Variants in CARMIL1 observed in about 807,000 individuals in gnomAD.
CARMIL1 encodes the protein capping protein regulator and myosin 1 linker 1, also known as F-actin-uncapping protein LRRC16A.
Under a neutral mutation model 177.1 loss-of-function variants are expected in CARMIL1, and 90 were observed. The observed-to-expected ratio is 0.51, with a 90% CI of 0.43 to 0.61. The LOEUF (loss-of-function observed/expected upper bound fraction) is 0.61, where lower values mean the gene tolerates loss of function less well. Among genes scored for constraint, CARMIL1 ranks in the 20% least tolerant of loss-of-function variants. The pLI, the probability that CARMIL1 is intolerant of heterozygous loss-of-function variation, is 0.00. For missense variants in CARMIL1, 1,380 were observed against 1,667.0 expected (o/e 0.83, Z 3.00); for synonymous variants, 577 against 606.2 (o/e 0.95, Z 0.71).
intron 12 of CARMIL1, 58 bp from the exon 13 acceptor site, chr6:25,488,424 C>G (rs1802879972): frequency 7.9e-7 from 1 of 1,268,552 alleles, no homozygotes; most frequent in Non-Finnish European, 1.2e-6. Context: ...TATAGAAACA[C>G]AAACCTCATT....
intron 2 of CARMIL1, among the ~76,000 whole-genome samples, chr6:25,297,209 A>G (rs1488673786): frequency 1.3e-5 from 2 of 152,382 alleles, no homozygotes; most frequent in African/African-American, 4.8e-5. Context: ...TCACTGAATC[A>G]CAGTCACTGC....
At chr6:25,584,465 G>A (rs1187498120) in intron 31 of CARMIL1, among the ~76,000 whole-genome samples, 1 of 149,956 alleles carries the variant, frequency 6.7e-6, no homozygotes, top group Non-Finnish European at 1.5e-5. Flanking sequence ...TAGGTTTCAT[G>A]GCTGAAGCAC....
At chr6:25,352,153 A>C (rs1213692910) in intron 2 of CARMIL1, among the ~76,000 whole-genome samples, 1 of 2,554 alleles carries the variant, frequency 3.9e-4, no homozygotes, top group African/African-American at 0.014. Context: ...TGGATACAGT[A>C]AAAAAAAAAA....
intron 2 of CARMIL1, among the ~76,000 whole-genome samples, chr6:25,419,188 A>G (rs1795623017): frequency 6.6e-6 from 1 of 152,168 alleles, no homozygotes; most frequent in Non-Finnish European, 1.5e-5. Flanking sequence ...TTTTGTTCTA[A>G]TCCAGCATTC....
chr6:25,589,514 G>A (rs907092575), intron 31 of CARMIL1, among the ~76,000 whole-genome samples: 8 of 151,684 alleles, frequency 5.3e-5, no homozygotes, highest in Admixed American at 2.0e-4. Flanking sequence ...TTTGAGACAG[G>A]GTCTCACCTG....
chr6:25,429,864 T>C (rs9379768), intron 4 of CARMIL1, among the ~76,000 whole-genome samples: 13,541 of 146,072 alleles, frequency 0.093, 713 homozygotes, highest in East Asian at 0.2. Context: ...TATATATTTT[T>C]GAGACGGAGT....
chr6:25,589,286 C>T (rs1814075405), intron 31 of CARMIL1, among the ~76,000 whole-genome samples: 1 of 152,154 alleles, frequency 6.6e-6, no homozygotes, highest in Non-Finnish European at 1.5e-5. Context: ...TGGAGTGGCA[C>T]GTGGTATCCA....
At chr6:25,609,165 T>G (rs1027005143) in intron 35 of CARMIL1, among the ~76,000 whole-genome samples, 1 of 152,052 alleles carries the variant, frequency 6.6e-6, no homozygotes, top group African/African-American at 2.4e-5. Flanking sequence ...CCCTGGTTTT[T>G]GAATTAAGAG....
At chr6:25,445,038 G>T (rs1338272327) in intron 5 of CARMIL1, among the ~76,000 whole-genome samples, 1 of 152,174 alleles carries the variant, frequency 6.6e-6, no homozygotes, top group Non-Finnish European at 1.5e-5. Flanking sequence ...AGCATCTGTT[G>T]TTCCCTGACT....
chr6:25,522,415 C>T (rs770142706), intron 23 of CARMIL1, among the ~76,000 whole-genome samples: 1 of 152,216 alleles, frequency 6.6e-6, no homozygotes, highest in Admixed American at 6.5e-5. Flanking sequence ...TCTCAAGGAA[C>T]TCGTTAAAAA....
intron 23 of CARMIL1, among the ~76,000 whole-genome samples, chr6:25,526,525 C>T (rs905861253): frequency 1.6e-4 from 23 of 147,728 alleles, no homozygotes; most frequent in Non-Finnish European, 2.8e-4. Context: ...CTCTCATCTC[C>T]TTTTCCTCTC....
At chr6:25,365,864 C>G (rs1789729754) in intron 2 of CARMIL1, among the ~76,000 whole-genome samples, 1 of 152,034 alleles carries the variant, frequency 6.6e-6, no homozygotes, top group Non-Finnish European at 1.5e-5. Flanking sequence ...TGACCATAAG[C>G]CTTTTGAAAG....
chr6:25,381,226 A>G (rs1215855460), intron 2 of CARMIL1, among the ~76,000 whole-genome samples: 2 of 152,238 alleles, frequency 1.3e-5, no homozygotes, highest in African/African-American at 4.8e-5. Flanking sequence ...GTATTGAAAT[A>G]GGCAGTTATA....
intron 9 of CARMIL1, among the ~76,000 whole-genome samples, chr6:25,468,127 G>A (rs1041599959): frequency 2.0e-5 from 3 of 151,874 alleles, no homozygotes; most frequent in East Asian, 3.9e-4. Flanking sequence ...AGGTGCCACA[G>A]GAAAAATATG....
intron 20 of CARMIL1, among the ~76,000 whole-genome samples, chr6:25,514,124 T>A (rs1054425352): frequency 6.6e-6 from 1 of 152,204 alleles, no homozygotes; most frequent in African/African-American, 2.4e-5. Context: ...ACTATTATTA[T>A]TTTGGTCAGA....
rs959287730 is a variant in CARMIL1, at chr6:25,577,611, T to TA, written c.2743-3304dup. Among the ~76,000 whole-genome samples the TA allele has an allele frequency of 8.6e-5, 13 of 151,700 alleles. No homozygotes were observed. Among genetic ancestry groups the TA allele is most frequent in the Admixed American group, 3.3e-4 (5 of 15,246 alleles). ...TTAAGCAACTTGACTCTCATTTTTT[T>TA]AAAAAAAAAGTATGTCTAGGAATTA... On this transcript the variant is annotated intron_variant, in intron 29 of 36. Transcript: ENST00000329474. This position sits in a 1 kb window ranked among gnomAD's most constrained non-coding sequence, Gnocchi z 4.5.
Position 25,610,048 on chromosome 6 carries a change from A to G in CARMIL1, c.3848-2A>G. On this transcript the variant is annotated splice_acceptor_variant, in intron 35 of 36. Coordinates refer to ENST00000329474, the MANE Select transcript of CARMIL1 (RefSeq NM_017640.6). LOFTEE classifies it high-confidence loss of function. ...TTGATTCACGTGTTTGTGTCTCCTT[A>G]GATGACATTCCAGACTCTCCATCTA... 1.2e-6 allele frequency: 2 copies of G among 1,613,652 alleles called. No homozygotes were observed. Among genetic ancestry groups the G allele is most frequent in the Non-Finnish European group, 1.7e-6 (2 of 1,179,706 alleles).
rs763982174 is a variant in CARMIL1 at position 25,500,152 on chromosome 6, T to C, written c.1326-14T>C. On this transcript the variant is annotated splice_polypyrimidine_tract_variant and intron_variant, in intron 16 of 36. Coordinates refer to ENST00000329474, the MANE Select transcript of CARMIL1 (RefSeq NM_017640.6). The stretch of plus-strand genomic sequence containing the variant: ...GTGGAATGTGTATCTAATATGTGTG[T>C]TTCCTCCCCTCAGAGCACTGTTATT... 1 of 1,612,918 alleles carries C rather than the reference T, an allele frequency of 6.2e-7. No individual in the cohort carries two copies. Among genetic ancestry groups the C allele is most frequent in the East Asian group, 2.2e-5 (1 of 44,882 alleles).
chr6:25,423,216 T>C (rs1796002066), intron 3 of CARMIL1, among the ~76,000 whole-genome samples: 1 of 152,048 alleles, frequency 6.6e-6, no homozygotes, highest in East Asian at 1.9e-4. Context: ...AACATCTTTC[T>C]TTTGTCATTT....
Sources: gnomAD v4.1 joint callset for allele counts (sites outside exome capture counted in the v4.1 genomes callset) on GRCh38, gnomAD v4.1.1 for gene constraint, Gnocchi (gnomAD v3.1) non-coding constraint, MANE v1.5 for transcripts, NCBI Gene and HGNC (gene_info 2026-07-23, HGNC 2026-07-21) for gene names.